NRXN3: variants seen among roughly 807,000 people sequenced by gnomAD.
NRXN3 encodes the protein neurexin III.
Under a neutral mutation model 137.6 loss-of-function variants are expected in NRXN3, and 32 were observed. The ratio of observed to expected loss-of-function variants is 0.23; its 90% CI spans 0.18 to 0.31. NRXN3 has a LOEUF of 0.31. NRXN3 is among the 10% of genes least tolerant of loss of function. The probability of loss-of-function intolerance (pLI) is 1.00; values close to 1 mark genes in which losing one functional copy is unlikely to be tolerated. For synonymous variants in NRXN3, 798 were observed against 784.5 expected (o/e 1.02, Z -0.29); for missense variants, 1,574 against 2,062.5 (o/e 0.76, Z 4.59).
chr14:78,965,933 T>A, intron 11 of NRXN3, 92 bp from the exon 12 acceptor site: 1 of 1,384,628 alleles, frequency 7.2e-7, no homozygotes, highest in Admixed American at 2.1e-5. Flanking sequence ...ATATTCTGTG[T>A]GGAAACAGGT....
At chr14:79,858,832 T>C (rs1568475260) in intron 20 of NRXN3, among the ~76,000 whole-genome samples, 1 of 152,040 alleles carries the variant, frequency 6.6e-6, no homozygotes, top group Non-Finnish European at 1.5e-5. Context: ...AGAAGAATAA[T>C]AAAAAAGTTT....
intron 4 of NRXN3, among the ~76,000 whole-genome samples, chr14:78,511,481 A>G (rs2096107479): frequency 6.6e-6 from 1 of 152,150 alleles, no homozygotes; most frequent in East Asian, 1.9e-4. Context: ...GTAAGGCTGT[A>G]CTCCACAAAG....
chr14:78,190,660 CTTACTTACTTAA>C (rs2060640223), intron 1 of NRXN3, among the ~76,000 whole-genome samples: 1 of 133,982 alleles, frequency 7.5e-6, no homozygotes, highest in Non-Finnish European at 1.6e-5. Context: ...TATTTACTTA[CTTACTTACTTAA>C]TTACTTACTT....
intron 4 of NRXN3, 142 bp downstream of exon 4, chr14:78,298,002 C>G: frequency 1.1e-6 from 1 of 876,256 alleles, no homozygotes; most frequent in Non-Finnish European, 1.7e-6. Context: ...TGCAGGACCA[C>G]CCTGCAGTGG....
At chr14:79,768,100 C>T (rs777886281) in intron 19 of NRXN3, among the ~76,000 whole-genome samples, 5 of 152,336 alleles carry the variant, frequency 3.3e-5, no homozygotes, top group East Asian at 1.9e-4. Flanking sequence ...GATTATATCC[C>T]TCACCTGGCT....
intron 16 of NRXN3, among the ~76,000 whole-genome samples, chr14:79,607,920 C>G (rs2098043543): frequency 6.6e-6 from 1 of 152,120 alleles, no homozygotes. Context: ...ATCCACCAGC[C>G]TCAGTCTCCC....
intron 15 of NRXN3, among the ~76,000 whole-genome samples, chr14:79,070,826 A>T (rs1436350380): frequency 6.6e-6 from 1 of 152,200 alleles, no homozygotes; most frequent in East Asian, 1.9e-4. Flanking sequence ...TCCTGGAAAA[A>T]AATACGTCCA....
At chr14:78,273,595 G>C (rs957019888) in intron 2 of NRXN3, among the ~76,000 whole-genome samples, 1 of 152,202 alleles carries the variant, frequency 6.6e-6, no homozygotes, top group East Asian at 1.9e-4. Flanking sequence ...GGATGCTCCT[G>C]TTAGACCAGC....
Position 79,623,849 on chromosome 14 carries a change from G to GTTTTTT in NRXN3, c.3445-39914_3445-39909dup, listed in dbSNP as rs571687023. Among the ~76,000 whole-genome samples, 283 of 97,890 alleles carry GTTTTTT rather than the reference G, an allele frequency of 2.9e-3. 1 individual carries two copies. Among genetic ancestry groups the GTTTTTT allele is most frequent in the Middle Eastern group, 7.9e-3 (1 of 126 alleles). The allele number at this position is 97,890 out of a possible 152,430, so 64.2% of individuals were successfully genotyped here. A position where few individuals can be genotyped will look rare whatever the true frequency, so the allele number is the denominator to read the frequency against. ...AGAAATCACTGAGTCCTTAGCTCCTGTTTTTTTTTTTTTTTTTTTTGGTTG... is the reference window on the plus strand; with the variant it reads ...AGAAATCACTGAGTCCTTAGCTCCTGTTTTTTTTTTTTTTTTTTTTTTTTTTGGTTG... On this transcript the variant is annotated intron_variant, in intron 16 of 20. Coordinates refer to ENST00000335750, the MANE Select transcript of NRXN3 (RefSeq NM_001330195.2).
Position 79,748,237 on chromosome 14 carries a change from C to CA in NRXN3, c.4014+50308dup, listed in dbSNP as rs547959409. 6.9e-3 allele frequency among the ~76,000 whole-genome samples: 1,040 copies of CA among 149,944 alleles called. 3 individuals are homozygous for CA. Among genetic ancestry groups the CA allele is most frequent in the South Asian group, 0.027 (122 of 4,480 alleles). ...AAAAAGCTAAAAGCAAGCTTTATGC[C>CA]AAAAAAAATTTTAAAAACTTAAAAA... is the stretch of plus-strand genomic sequence containing the variant. On this transcript the variant is annotated intron_variant, in intron 19 of 20. Coordinates refer to ENST00000335750, the MANE Select transcript of NRXN3 (RefSeq NM_001330195.2).
chr14:78,447,265 T>C (rs1215240093), intron 4 of NRXN3, among the ~76,000 whole-genome samples: 2 of 152,366 alleles, frequency 1.3e-5, no homozygotes, highest in Middle Eastern at 3.4e-3. Context: ...GTAAATGAGA[T>C]AACAGATGCT....
rs146016037 is a variant in NRXN3, at chr14:78,801,020, C to T, written c.2045-2600C>T. The stretch of plus-strand genomic sequence containing the variant: ...ATGCTGTATTAGCCTGTTTTCACAC[C>T]GCTCTAAAGAAATACATGAGGCCGG... On this transcript the variant is annotated intron_variant, in intron 8 of 20. Transcript: ENST00000335750. Among the ~76,000 whole-genome samples the T allele has an allele frequency of 2.7e-3, 416 of 152,220 alleles. 3 individuals are homozygous for T. Among genetic ancestry groups the T allele is most frequent in the African/African-American group, 9.6e-3 (400 of 41,536 alleles).
chr14:79,549,866 G>C (rs1387955343), intron 16 of NRXN3, among the ~76,000 whole-genome samples: 1 of 152,106 alleles, frequency 6.6e-6, no homozygotes, highest in Non-Finnish European at 1.5e-5. Flanking sequence ...AGACGGATCT[G>C]CTTGCAAAGA....
At chr14:79,398,518 C>A (rs2095093056) in intron 15 of NRXN3, among the ~76,000 whole-genome samples, 1 of 150,692 alleles carries the variant, frequency 6.6e-6, no homozygotes, top group Non-Finnish European at 1.5e-5. Context: ...TTTTTTTTTA[C>A]CAATGAGACA....
At chr14:79,705,706 C>T (rs924509227) in intron 19 of NRXN3, among the ~76,000 whole-genome samples, 1 of 152,086 alleles carries the variant, frequency 6.6e-6, no homozygotes, top group African/African-American at 2.4e-5. Context: ...CACTCCCTCA[C>T]TTCACCCAGG....
intron 16 of NRXN3, among the ~76,000 whole-genome samples, chr14:79,532,657 T>C (rs1567410787): frequency 6.6e-6 from 1 of 152,074 alleles, no homozygotes; most frequent in Non-Finnish European, 1.5e-5. Context: ...GTACCATAGG[T>C]CTTTGTATCA....
chr14:79,022,652 A>G (rs2099591594), intron 15 of NRXN3, among the ~76,000 whole-genome samples: 1 of 152,148 alleles, frequency 6.6e-6, no homozygotes, highest in African/African-American at 2.4e-5. Context: ...CCCTGCTGCA[A>G]TCAGTCCATG....
chr14:79,687,615 CA>C (rs2098700650), intron 17 of NRXN3, among the ~76,000 whole-genome samples: 1 of 152,058 alleles, frequency 6.6e-6, no homozygotes, highest in South Asian at 2.1e-4. Context: ...AGACAAAATT[CA>C]AAAATGCCTT....
intron 15 of NRXN3, among the ~76,000 whole-genome samples, chr14:79,178,138 A>G (rs1405468279): frequency 6.6e-6 from 1 of 152,204 alleles, no homozygotes; most frequent in African/African-American, 2.4e-5. Flanking sequence ...GGCTCCACCC[A>G]GGTTTCCTGA....
Sources: gnomAD v4.1 joint callset for allele counts (sites outside exome capture counted in the v4.1 genomes callset) on GRCh38, gnomAD v4.1.1 for gene constraint, MANE v1.5 for transcripts, NCBI Gene and HGNC (gene_info 2026-07-23, HGNC 2026-07-21) for gene names.